PCDH9: variants seen among roughly 807,000 people sequenced by gnomAD.
PCDH9 encodes the protein protocadherin 9, also known as protocadherin-9.
A neutral mutation model predicts 70.6 loss-of-function variants in PCDH9; 24 were observed. That is an observed-to-expected ratio of 0.34 (90% CI 0.25 to 0.48). The LOEUF (loss-of-function observed/expected upper bound fraction) is 0.48, where lower values mean the gene tolerates loss of function less well. Among genes scored for constraint, PCDH9 ranks in the 20% least tolerant of loss-of-function variants. PCDH9 has a pLI of 0.99. For missense variants in PCDH9, 1,281 were observed against 1,503.6 expected, an observed-to-expected ratio of 0.85 and a Z score of 2.45; for synonymous variants, 562 against 558.5, an observed-to-expected ratio of 1.01 and a Z score of -0.09.
intron 3 of PCDH9, among the ~76,000 whole-genome samples, chr13:66,847,865 G>C (rs1449303178): frequency 3.3e-5 from 5 of 152,088 alleles, no homozygotes; most frequent in African/African-American, 4.8e-5. Context: ...ACTCAGAGGC[G>C]GCAACGTAAA....
intron 4 of PCDH9, among the ~76,000 whole-genome samples, chr13:66,322,379 C>T (rs547519853): frequency 1.1e-4 from 17 of 152,002 alleles, no homozygotes; most frequent in East Asian, 7.7e-4. Flanking sequence ...ATACTGCCTA[C>T]GTGTTTAAAG....
At chr13:66,966,214 C>T (rs1271626300) in intron 2 of PCDH9, among the ~76,000 whole-genome samples, 1 of 152,130 alleles carries the variant, frequency 6.6e-6, no homozygotes. Context: ...GGTTTCTGAG[C>T]TTCTGTTTCC....
At position 66,858,736 on chromosome 13, in the gene PCDH9, G is replaced by A. The variant is rs187882702; in HGVS notation, c.3138+44768C>T. 1.7e-4 allele frequency among the ~76,000 whole-genome samples: 26 copies of A among 152,092 alleles called. No homozygotes were observed. In the East Asian group the frequency reaches 4.4e-3, roughly 26 times the overall value. Reference sequence around the variant, plus strand: ...CTAGAAATTTCTATTTTATTGATACGAATTTAATAATAAATTAATTGTAAT... The same window carrying A: ...CTAGAAATTTCTATTTTATTGATACAAATTTAATAATAAATTAATTGTAAT... On this transcript the variant is annotated intron_variant, in intron 3 of 4. Coordinates refer to ENST00000377865, the MANE Select transcript of PCDH9 (RefSeq NM_203487.3).
At chr13:66,820,017 C>T (rs9564353) in intron 3 of PCDH9, among the ~76,000 whole-genome samples, 1 of 151,956 alleles carries the variant, frequency 6.6e-6, no homozygotes, top group African/African-American at 2.4e-5. Flanking sequence ...CAAAAGAATG[C>T]TTACCTGTTA....
At chr13:67,138,649 C>T (rs1306410797) in intron 2 of PCDH9, among the ~76,000 whole-genome samples, 1 of 152,154 alleles carries the variant, frequency 6.6e-6, no homozygotes, top group Non-Finnish European at 1.5e-5. Context: ...GTAATGGGGC[C>T]TTTTGAGCTC....
At chr13:66,372,780 A>G (rs1314710438) in intron 4 of PCDH9, among the ~76,000 whole-genome samples, 1 of 151,898 alleles carries the variant, frequency 6.6e-6, no homozygotes, top group Non-Finnish European at 1.5e-5. Context: ...TGAAATATGT[A>G]AAATATGATC....
intron 3 of PCDH9, among the ~76,000 whole-genome samples, chr13:66,660,315 T>C (rs2077991817): frequency 6.6e-6 from 1 of 151,960 alleles, no homozygotes; most frequent in Non-Finnish European, 1.5e-5. Flanking sequence ...TTTTTTTTAC[T>C]GTGAGTTTCC....
intron 2 of PCDH9, among the ~76,000 whole-genome samples, chr13:67,008,870 A>G (rs2084401483): frequency 6.6e-6 from 1 of 152,106 alleles, no homozygotes; most frequent in Non-Finnish European, 1.5e-5. Flanking sequence ...TCATTGATGG[A>G]GTATATCCTG....
intron 2 of PCDH9, among the ~76,000 whole-genome samples, chr13:66,970,393 C>T (rs1284444359): frequency 1.3e-5 from 2 of 151,454 alleles, no homozygotes; most frequent in African/African-American, 4.9e-5. Flanking sequence ...CTCTGGGGGG[C>T]CAAGGAGGGT....
chr13:66,564,784 A>G (rs1374994748), intron 4 of PCDH9, among the ~76,000 whole-genome samples: 2 of 151,932 alleles, frequency 1.3e-5, no homozygotes, highest in African/African-American at 2.4e-5. Flanking sequence ...CCCAAAAGTG[A>G]TTTTTCTACA....
At chr13:66,453,640 G>C (rs1330113813) in intron 4 of PCDH9, among the ~76,000 whole-genome samples, 2 of 152,058 alleles carry the variant, frequency 1.3e-5, no homozygotes, top group East Asian at 3.9e-4. Context: ...GACACCCATG[G>C]GGACGTCTGT....
intron 4 of PCDH9, among the ~76,000 whole-genome samples, chr13:66,335,541 T>C (rs1305271332): frequency 6.6e-6 from 1 of 152,158 alleles, no homozygotes; most frequent in African/African-American, 2.4e-5. Flanking sequence ...TAATTCTTAA[T>C]AACCTTGAGA....
At chr13:67,144,093 A>C (rs1015436669) in intron 2 of PCDH9, among the ~76,000 whole-genome samples, 1 of 152,166 alleles carries the variant, frequency 6.6e-6, no homozygotes, top group Non-Finnish European at 1.5e-5. Context: ...AGAGCTTTCT[A>C]ATATCAAAAT....
At chr13:67,175,001 C>T (rs964387444) in intron 2 of PCDH9, among the ~76,000 whole-genome samples, 3 of 147,068 alleles carry the variant, frequency 2.0e-5, no homozygotes, top group African/African-American at 7.5e-5. Context: ...CCCAGAGTGA[C>T]GGTACAAGCC....
At chr13:67,136,516 T>C (rs2087236430) in intron 2 of PCDH9, among the ~76,000 whole-genome samples, 1 of 152,112 alleles carries the variant, frequency 6.6e-6, no homozygotes, top group South Asian at 2.1e-4. Context: ...CATCATATAA[T>C]GCTAAAGTAA....
At chr13:66,758,742 G>A (rs552458545) in intron 3 of PCDH9, among the ~76,000 whole-genome samples, 23 of 152,084 alleles carry the variant, frequency 1.5e-4, no homozygotes, top group East Asian at 5.8e-4. Flanking sequence ...CAGTGATGCC[G>A]TCAAATTCTG....
chr13:66,391,190 A>G (rs1957010916), intron 4 of PCDH9, among the ~76,000 whole-genome samples: 1 of 152,182 alleles, frequency 6.6e-6, no homozygotes, highest in African/African-American at 2.4e-5. Context: ...GATAAAAAGG[A>G]AAATAACGTC....
chr13:66,895,456 T>C (rs541692424), intron 3 of PCDH9, among the ~76,000 whole-genome samples: 4 of 152,348 alleles, frequency 2.6e-5, no homozygotes, highest in Admixed American at 6.5e-5. Context: ...TCAGGGTGTC[T>C]CCAATATCCT....
rs117513194 is a variant in PCDH9, at chr13:66,507,202, A to G, written c.3340+124008T>C. ...TGAAACTGTCACCCTCAGACTTGCA[A>G]AAGTGATTCAACTTCTCTTATAAGG... On this transcript the variant is annotated intron_variant, in intron 4 of 4. Coordinates refer to ENST00000377865, the MANE Select transcript of PCDH9 (RefSeq NM_203487.3). Among the ~76,000 whole-genome samples, 712 of 123,862 alleles carry G rather than the reference A, an allele frequency of 5.7e-3. 32 individuals are homozygous for G. In the East Asian group the frequency reaches 0.12, roughly 21 times the overall value. 81.3% of individuals were successfully genotyped at this position (123,862 alleles called of 152,430 possible).
Sources: allele counts gnomAD v4.1 joint callset (sites outside exome capture counted in the v4.1 genomes callset), GRCh38; gene constraint gnomAD v4.1.1; transcripts MANE v1.5; gene names NCBI Gene and HGNC (gene_info 2026-07-23, HGNC 2026-07-21).